TSPAN19: variants seen among roughly 807,000 people sequenced by gnomAD.
TSPAN19 encodes tetraspanin-19.
In TSPAN19, 44 loss-of-function variants were observed where a neutral mutation model predicts 35.1. The observed-to-expected ratio is 1.25, with a 90% CI of 0.98 to 1.61. The LOEUF is 1.61. Ranked by LOEUF, TSPAN19 falls within the 40% of genes most tolerant of loss-of-function variation. The pLI, the probability that TSPAN19 is intolerant of heterozygous loss-of-function variation, is 0.00. For missense variants in TSPAN19, 290 were observed against 280.0 expected, an observed-to-expected ratio of 1.04 and a Z score of -0.26; for synonymous variants, 79 against 92.0, an observed-to-expected ratio of 0.86 and a Z score of 0.81.
At chr12:85,015,846 A>C (rs1208415604) in intron 8 of TSPAN19, 42 bp downstream of exon 8, 1 of 1,401,248 alleles carries the variant, frequency 7.1e-7, no homozygotes, top group African/African-American at 1.4e-5. Flanking sequence ...TGTATAGCTT[A>C]TACTTAATAT....
At chr12:85,033,415 A>G (rs1011569303) in intron 1 of TSPAN19, among the ~76,000 whole-genome samples, 1 of 151,964 alleles carries the variant, frequency 6.6e-6, no homozygotes, top group African/African-American at 2.4e-5. Flanking sequence ...CCAAATTAGA[A>G]AAGACACTTA....
chr12:85,028,427 T>G (rs1031336186), intron 3 of TSPAN19, among the ~76,000 whole-genome samples: 3 of 152,206 alleles, frequency 2.0e-5, no homozygotes, highest in African/African-American at 7.2e-5. Context: ...CTGAATTTAT[T>G]GCTAATATGA....
intron 4 of TSPAN19, 85 bp downstream of exon 4, chr12:85,027,814 C>A: frequency 7.6e-7 from 1 of 1,322,616 alleles, no homozygotes; most frequent in South Asian, 1.4e-5. Context: ...CAGTGCCATG[C>A]TAATATAAAT....
chr12:85,019,684 G>C lies in TSPAN19; in HGVS notation c.392C>G (p.Ser131Cys), dbSNP rs1449458749. 12 of 1,609,676 alleles carry C rather than the reference G, an allele frequency of 7.5e-6. No homozygotes were observed. The highest frequency in any genetic ancestry group is 1.7e-5 in the Admixed American group (1 of 59,230). ...KIDFVISEYG[S>C]KDKPEDITKW... ...GGTTATATCTTCAGGCTTATCTTTA[G>C]ATCCATACTCAGAAATGACAAAATC... Residue 131 changes from serine (S) to cysteine (C), a missense_variant, in exon 6 of 9, where the codon TCT becomes TGT. Physicochemically the swap from Ser to Cys is moderately radical, Grantham distance 112 (BLOSUM62 -1). Coordinates refer to ENST00000532498, the MANE Select transcript of TSPAN19 (RefSeq NM_001100917.2).
At chr12:85,022,859 T>TTAA (rs1877197601) in intron 5 of TSPAN19, among the ~76,000 whole-genome samples, 1 of 152,170 alleles carries the variant, frequency 6.6e-6, no homozygotes, top group Non-Finnish European at 1.5e-5. Context: ...CTTGCTCTAA[T>TTAA]TAATCACTCA....
At chr12:85,017,651 A>T in intron 6 of TSPAN19, 52 bp from the exon 7 acceptor site, 2 of 1,356,138 alleles carry the variant, frequency 1.5e-6, no homozygotes, top group East Asian at 5.2e-5. Flanking sequence ...AATGCAGTTA[A>T]TTATATGAGA....
intron 7 of TSPAN19, 95 bp from the exon 8 acceptor site, chr12:85,016,066 T>C (rs1793565180): frequency 2.6e-6 from 2 of 770,762 alleles, no homozygotes; most frequent in Non-Finnish European, 3.9e-6. Context: ...AGATTAGTAA[T>C]TTACCAAAGT....
intron 4 of TSPAN19, among the ~76,000 whole-genome samples, chr12:85,025,433 C>G (rs1453238374): frequency 1.3e-5 from 2 of 151,986 alleles, no homozygotes; most frequent in Non-Finnish European, 2.9e-5. Flanking sequence ...AGCCACCACA[C>G]CCGGCATATG....
At chr12:85,016,078 T>G in intron 7 of TSPAN19, 107 bp from the exon 8 acceptor site, 1 of 682,350 alleles carries the variant, frequency 1.5e-6, no homozygotes, top group Non-Finnish European at 2.2e-6. Flanking sequence ...TACCAAAGTC[T>G]AAATAGTAAG....
intron 4 of TSPAN19, among the ~76,000 whole-genome samples, chr12:85,025,529 TG>T (rs1054454788): frequency 7.3e-5 from 11 of 150,714 alleles, no homozygotes; most frequent in Middle Eastern, 3.4e-3. Context: ...CTTTTTTTGT[TG>T]GGGGGGAGGT....
At chr12:85,028,184 G>T (rs1211576068) in intron 3 of TSPAN19, among the ~76,000 whole-genome samples, 161 bp from the exon 4 acceptor site, 1 of 152,006 alleles carries the variant, frequency 6.6e-6, no homozygotes, top group Non-Finnish European at 1.5e-5. Context: ...CTCAATTTTT[G>T]ACCTCATGTA....
At chr12:85,015,139 T>C (rs1043859524) in intron 8 of TSPAN19, 2 of 151,996 alleles carry the variant, frequency 1.3e-5, no homozygotes, top group African/African-American at 4.8e-5. Flanking sequence ...AGGGGCTTCA[T>C]GGATCTATAC....
chr12:85,021,320 A>C (rs968547718), intron 5 of TSPAN19, among the ~76,000 whole-genome samples: 1 of 152,024 alleles, frequency 6.6e-6, no homozygotes, highest in African/African-American at 2.4e-5. Flanking sequence ...GGAATATCAC[A>C]GTAATTATAA....
In TSPAN19 at chr12:85,015,882, G is replaced by A; in HGVS notation, c.678+6C>T. On this transcript the variant is annotated splice_donor_region_variant and intron_variant, in intron 8 of 8. Coordinates refer to ENST00000532498, the MANE Select transcript of TSPAN19 (RefSeq NM_001100917.2). ...TTTTCATTTTAACATATGAACAAAA[G>A]CTTACCTCTGAAGTTAAAAGTCCAA... is the stretch of plus-strand genomic sequence containing the variant. The A allele has an allele frequency of 6.5e-7, 1 of 1,536,748 alleles. No homozygotes were observed. The highest frequency in any genetic ancestry group is 8.8e-7 in the Non-Finnish European group (1 of 1,136,220).
chr12:85,026,526 A>G (rs2135809521), intron 4 of TSPAN19, among the ~76,000 whole-genome samples: 1 of 152,280 alleles, frequency 6.6e-6, no homozygotes, highest in Middle Eastern at 3.4e-3. Context: ...AAACCCCAGA[A>G]GGAAATCAGG....
rs781742465 is a variant in TSPAN19, at chr12:85,019,676, T to C, written c.400A>G (p.Lys134Glu). The C allele has an allele frequency of 4.0e-5, 64 of 1,610,462 alleles. No homozygotes were observed. Among genetic ancestry groups the C allele is most frequent in the Non-Finnish European group, 4.6e-5 (54 of 1,177,886 alleles). The change falls in exon 6 of 9, where the codon AAG becomes GAG. Residue 134 changes from lysine (K) to glutamate (E), a missense_variant. Physicochemically the swap from Lys to Glu is moderately conservative, Grantham distance 56. Coordinates refer to ENST00000532498, the MANE Select transcript of TSPAN19 (RefSeq NM_001100917.2). ...FVISEYGSKD[K>E]PEDITKWTIL... Reference sequence around the variant, plus strand: ...GTCCACTTGGTTATATCTTCAGGCTTATCTTTAGATCCATACTCAGAAATG... The same window carrying C: ...GTCCACTTGGTTATATCTTCAGGCTCATCTTTAGATCCATACTCAGAAATG...
chr12:85,022,611 G>A (rs1310125332), intron 5 of TSPAN19, among the ~76,000 whole-genome samples: 2 of 152,044 alleles, frequency 1.3e-5, no homozygotes, highest in Admixed American at 6.6e-5. Flanking sequence ...ACAACTTGCT[G>A]TAAAGCAAGT....
At chr12:85,023,806 C>T (rs1349789352) in intron 4 of TSPAN19, among the ~76,000 whole-genome samples, 1 of 152,158 alleles carries the variant, frequency 6.6e-6, no homozygotes, top group Non-Finnish European at 1.5e-5. Flanking sequence ...ATAACAAAAG[C>T]AACTGCAATA....
At position 85,019,206 on chromosome 12, in the gene TSPAN19, T is replaced by C. The variant is rs113696957; in HGVS notation, c.450+420A>G. On this transcript the variant is annotated intron_variant, in intron 6 of 8. Transcript: ENST00000532498. ...GAGGTTAGTATGCCCACTTTACGAATGTGGAACTTGGAGTTTAAGAGGGTT... is the reference window on the plus strand; with the variant it reads ...GAGGTTAGTATGCCCACTTTACGAACGTGGAACTTGGAGTTTAAGAGGGTT... 3.2e-3 allele frequency among the ~76,000 whole-genome samples: 492 copies of C among 152,034 alleles called. 6 individuals carry two copies. Among genetic ancestry groups the C allele is most frequent in the African/African-American group, 0.011 (469 of 41,532 alleles).
Sources: gnomAD v4.1 joint callset for allele counts (sites outside exome capture counted in the v4.1 genomes callset) on GRCh38, gnomAD v4.1.1 for gene constraint, MANE v1.5 for transcripts, NCBI Gene and HGNC (gene_info 2026-07-23, HGNC 2026-07-21) for gene names.